MTOR: variants seen among roughly 807,000 people sequenced by gnomAD.
MTOR encodes the protein mechanistic target of rapamycin kinase.
A neutral mutation model predicts 319.8 loss-of-function variants in MTOR; 70 were observed. The ratio of observed to expected loss-of-function variants is 0.22; its 90% CI spans 0.18 to 0.27. The LOEUF (loss-of-function observed/expected upper bound fraction) is 0.27, where lower values mean the gene tolerates loss of function less well. MTOR is among the 10% of genes least tolerant of loss of function. The probability of loss-of-function intolerance (pLI) is 1.00; values close to 1 mark genes in which losing one functional copy is unlikely to be tolerated. For missense variants in MTOR, 1,890 were observed against 3,274.4 expected (o/e 0.58, Z 10.32); for synonymous variants, 1,183 against 1,211.4 (o/e 0.98, Z 0.49).
intron 6 of MTOR, 58 bp from the exon 7 acceptor site, chr1:11,248,152 C>T: frequency 6.7e-7 from 1 of 1,499,886 alleles, no homozygotes; most frequent in Non-Finnish European, 9.0e-7. Context: ...TCAAACTGGG[C>T]ACTGTGGATT....
rs771785403 is a variant in MTOR at position 11,118,228 on chromosome 1, A to ATTTTTTTTTTTTT, written c.6934-1155_6934-1143dup. 1.9e-4 allele frequency among the ~76,000 whole-genome samples: 23 copies of ATTTTTTTTTTTTT among 120,750 alleles called. 1 individual carries two copies. The highest frequency in any genetic ancestry group is 9.1e-4 in the African/African-American group (23 of 25,172). The allele number at this position is 120,750 out of a possible 152,430, so 79.2% of individuals were successfully genotyped here. ...ACGCCTTAAATTCCAAACTTAGTTA[A>ATTTTTTTTTTTTT]TTTTTTTTTTTTTTTTTTTTTTTTT... On this transcript the variant is annotated intron_variant, in intron 49 of 57. Transcript: ENST00000361445.
At chr1:11,134,211 T>G in intron 37 of MTOR, 140 bp downstream of exon 37, 1 of 697,014 alleles carries the variant, frequency 1.4e-6, no homozygotes, top group South Asian at 1.8e-5. Context: ...CTTTGGTGGT[T>G]GCCTGGGATC....
chr1:11,116,188 CTTA>C (rs779053362), intron 50 of MTOR, among the ~76,000 whole-genome samples: 6 of 152,158 alleles, frequency 3.9e-5, no homozygotes, highest in Non-Finnish European at 7.3e-5. Context: ...TTGGACAAAA[CTTA>C]TTATGCAAAA....
intron 9 of MTOR, 123 bp from the exon 10 acceptor site, chr1:11,241,804 AATTGT>A: frequency 9.4e-7 from 1 of 1,059,182 alleles, no homozygotes; most frequent in South Asian, 1.5e-5. Flanking sequence ...TGGGTATGCA[AATTGT>A]CCAGAGCACA....
intron 29 of MTOR, among the ~76,000 whole-genome samples, chr1:11,164,573 T>C (rs189912406): frequency 1.6e-4 from 25 of 152,186 alleles, no homozygotes; most frequent in African/African-American, 5.8e-4. Flanking sequence ...AATAGACCAA[T>C]AACTGGCTCT....
chr1:11,169,435 G>A (rs189684051), intron 28 of MTOR, among the ~76,000 whole-genome samples: 1 of 152,314 alleles, frequency 6.6e-6, no homozygotes, highest in East Asian at 1.9e-4. Context: ...AGCACCTTAT[G>A]CCTCTTTGTT....
intron 10 of MTOR, 119 bp downstream of exon 10, chr1:11,241,434 A>T: frequency 7.8e-7 from 1 of 1,285,888 alleles, no homozygotes; most frequent in East Asian, 2.6e-5. Context: ...GTTTAGTCTA[A>T]GCTATCCTGT....
At chr1:11,155,661 ATATCGTTTCCTCCCGG>A (rs1290087846) in intron 30 of MTOR, among the ~76,000 whole-genome samples, 6 of 152,190 alleles carry the variant, frequency 3.9e-5, no homozygotes, top group African/African-American at 1.4e-4. Flanking sequence ...TCCAAGTTAG[ATATCGTTTCCTCCCGG>A]TATCTTCCAA....
intron 26 of MTOR, among the ~76,000 whole-genome samples, chr1:11,200,902 C>T (rs1367821160): frequency 6.6e-6 from 1 of 151,758 alleles, no homozygotes; most frequent in Non-Finnish European, 1.5e-5. Flanking sequence ...GTAGTCCCAG[C>T]TTCTCAGGAG....
intron 19 of MTOR, among the ~76,000 whole-genome samples, chr1:11,223,794 C>T (rs776460538): frequency 7.2e-5 from 11 of 152,086 alleles, no homozygotes; most frequent in Non-Finnish European, 1.3e-4. Flanking sequence ...AATCCCAGCA[C>T]TTTGGGAGGC....
intron 57 of MTOR, 100 bp from the exon 58 acceptor site, chr1:11,107,600 T>C: frequency 1.5e-6 from 2 of 1,306,844 alleles, no homozygotes; most frequent in Non-Finnish European, 2.1e-6. Flanking sequence ...CTGACAACCC[T>C]AGGGTATTCC....
At chr1:11,197,049 G>A (rs1201046196) in intron 28 of MTOR, among the ~76,000 whole-genome samples, 2 of 152,130 alleles carry the variant, frequency 1.3e-5, no homozygotes, top group Non-Finnish European at 2.9e-5. Flanking sequence ...GGGGTTGGGG[G>A]AGGGTTAGTA....
chr1:11,130,841 C>T lies in MTOR; in HGVS notation c.5365-64G>A, dbSNP rs751050420. ...TGACCAACAGCAGGGCTCAGAGGAG[C>T]GCAAGGTCGATGCTGAGGAACAGCT... is the stretch of plus-strand genomic sequence containing the variant. On this transcript the variant is annotated intron_variant, in intron 38 of 57. Transcript: ENST00000361445. The T allele has an allele frequency of 1.5e-3, 2,235 of 1,518,300 alleles. 3 individuals are homozygous for T. Among genetic ancestry groups the T allele is most frequent in the Non-Finnish European group, 1.9e-3 (2,093 of 1,131,322 alleles). 94.1% of individuals were successfully genotyped at this position (1,518,300 alleles called of 1,614,324 possible).
intron 36 of MTOR, among the ~76,000 whole-genome samples, chr1:11,137,586 T>G (rs1347305882): frequency 6.6e-6 from 1 of 152,204 alleles, no homozygotes. Flanking sequence ...CTCTTATAAA[T>G]GAAGGACCTG....
rs143008101 is a variant in MTOR, at chr1:11,127,924, C to G, written c.6033+80G>C. On this transcript the variant is annotated intron_variant, in intron 43 of 57. Transcript: ENST00000361445. This position sits in a 1 kb window ranked among gnomAD's most constrained non-coding sequence, Gnocchi z 5.5. ...TCAGAGGAAGTGCACAGCACCAATG[C>G]GAGGAAGAAAAACAATCCCACTTGC... 1 of 1,592,662 alleles carries G rather than the reference C, an allele frequency of 6.3e-7. No homozygotes were observed. The highest frequency in any genetic ancestry group is 1.1e-5 in the South Asian group (1 of 87,594).
chr1:11,243,397 AAATT>A (rs1356172430), intron 8 of MTOR, 97 bp from the exon 9 acceptor site: 3 of 1,217,602 alleles, frequency 2.5e-6, no homozygotes, highest in Non-Finnish European at 3.4e-6. Context: ...GTTTAAGAAT[AAATT>A]AAGAAAGTGG....
intron 19 of MTOR, among the ~76,000 whole-genome samples, chr1:11,219,192 C>A (rs1284485158): frequency 6.7e-6 from 1 of 148,676 alleles, no homozygotes. Context: ...CCAGCCTGGG[C>A]AACAAAGTGA....
At chr1:11,118,196 T>C (rs1375453264) in intron 49 of MTOR, among the ~76,000 whole-genome samples, 1 of 149,604 alleles carries the variant, frequency 6.7e-6, no homozygotes. Flanking sequence ...TTTAAAAAAA[T>C]AAAGTTACGC....
At chr1:11,154,591 T>C (rs1483312620) in intron 30 of MTOR, among the ~76,000 whole-genome samples, 1 of 152,104 alleles carries the variant, frequency 6.6e-6, no homozygotes, top group Non-Finnish European at 1.5e-5. Context: ...TGCAAAACAT[T>C]ATAACATCTT....
Sources: gnomAD v4.1 joint callset for allele counts (sites outside exome capture counted in the v4.1 genomes callset) on GRCh38, gnomAD v4.1.1 for gene constraint, Gnocchi (gnomAD v3.1) non-coding constraint, MANE v1.5 for transcripts, NCBI Gene and HGNC (gene_info 2026-07-23, HGNC 2026-07-21) for gene names.